ARHGEF6: variants seen among roughly 807,000 people sequenced by gnomAD.
ARHGEF6 encodes the protein rho guanine nucleotide exchange factor 6.
Under a neutral mutation model 70.3 loss-of-function variants are expected in ARHGEF6, and 9 were observed. The observed-to-expected ratio is 0.13, with a 90% CI of 0.08 to 0.22. ARHGEF6 has a LOEUF of 0.22. ARHGEF6 is among the 10% of genes least tolerant of loss of function. The pLI, the probability that ARHGEF6 is intolerant of heterozygous loss-of-function variation, is 1.00. For missense variants in ARHGEF6, 470 were observed against 563.0 expected (o/e 0.83, Z 1.67); for synonymous variants, 201 against 207.8 (o/e 0.97, Z 0.28).
At chrX:136,764,046 T>C (rs2077289415) in intron 2 of ARHGEF6, among the ~76,000 whole-genome samples, 1 of 111,192 alleles carries the variant, frequency 9.0e-6, no homozygotes, top group African/African-American at 3.3e-5. Context: ...AGTTGGTATC[T>C]CCTTCTGTAT....
chrX:136,685,533 G>A lies in ARHGEF6; in HGVS notation c.1392+144C>T, dbSNP rs183112538. The stretch of plus-strand genomic sequence containing the variant: ...CAGGCAGGAGGATTGCTTGAACCCA[G>A]GAGGCAGAGGTTGCAGTGAGCCAAG... On this transcript the variant is annotated intron_variant, in intron 12 of 21. Transcript: ENST00000250617. 248 of 616,574 alleles carry A rather than the reference G, an allele frequency of 4.0e-4. No individual in the cohort carries two copies. In the African/African-American group the frequency reaches 5.6e-3, roughly 14 times the overall value. The allele number at this position is 616,574 out of a possible 1,213,427, so 50.8% of individuals were successfully genotyped here. A position where few individuals can be genotyped will look rare whatever the true frequency, so the allele number is the denominator to read the frequency against.
chrX:136,690,780 G>A (rs2076450419), intron 9 of ARHGEF6, 32 bp from the exon 10 acceptor site: 3 of 1,172,250 alleles, frequency 2.6e-6, no homozygotes, highest in Non-Finnish European at 3.5e-6. Flanking sequence ...TTTTGTTACT[G>A]TTGAATATCT....
Position 136,725,371 on chromosome X carries a change from C to T in ARHGEF6, c.732+6731G>A, listed in dbSNP as rs73633847. 6.8e-3 allele frequency among the ~76,000 whole-genome samples: 712 copies of T among 105,286 alleles called. 8 individuals are homozygous for T. The highest frequency in any genetic ancestry group is 0.023 in the African/African-American group (654 of 28,860). 91.4% of individuals were successfully genotyped at this position (105,286 alleles called of 115,157 possible). On this transcript the variant is annotated intron_variant, in intron 6 of 21. Transcript: ENST00000250617. ...TCTTTTTATCAAATTATGCCCCCCC[C>T]CCAAAAAAAAACGTGAGTAGTAATA...
At chrX:136,761,875 C>G (rs1192632788) in intron 2 of ARHGEF6, among the ~76,000 whole-genome samples, 3 of 111,598 alleles carry the variant, frequency 2.7e-5, no homozygotes, top group Non-Finnish European at 5.7e-5. Flanking sequence ...ACCTCAGAAC[C>G]CTTGGAAAGC....
chrX:136,668,533 C>CTTCTTA (rs61661248), intron 21 of ARHGEF6, among the ~76,000 whole-genome samples: 1,692 of 98,429 alleles, frequency 0.017, 35 homozygotes, highest in African/African-American at 0.046. Flanking sequence ...TCTTCTTCTT[C>CTTCTTA]TTATTATTAT....
chrX:136,765,749 T>TA (rs1161965624), intron 2 of ARHGEF6, among the ~76,000 whole-genome samples: 5 of 112,975 alleles, frequency 4.4e-5, no homozygotes, highest in African/African-American at 9.7e-5. Context: ...GTTTTGATCC[T>TA]ACCAGTGATA....
chrX:136,742,180 G>A (rs1017064055), intron 5 of ARHGEF6, among the ~76,000 whole-genome samples: 8 of 111,404 alleles, frequency 7.2e-5, no homozygotes, highest in Middle Eastern at 4.6e-3. Context: ...TTAGCCAGGC[G>A]TGGTGGCAGG....
intron 9 of ARHGEF6, among the ~76,000 whole-genome samples, chrX:136,701,487 G>A (rs2076570359): frequency 1.8e-5 from 2 of 110,605 alleles, no homozygotes; most frequent in African/African-American, 6.6e-5. Context: ...AAGTGTTGAA[G>A]GAAAAAAATG....
At chrX:136,763,940 A>G (rs1380106235) in intron 2 of ARHGEF6, among the ~76,000 whole-genome samples, 3 of 112,085 alleles carry the variant, frequency 2.7e-5, no homozygotes, top group African/African-American at 9.7e-5. Flanking sequence ...GACGAGCAGT[A>G]TAAAGGTAGC....
At chrX:136,753,968 A>G (rs911963747) in intron 2 of ARHGEF6, among the ~76,000 whole-genome samples, 4 of 111,891 alleles carry the variant, frequency 3.6e-5, no homozygotes, top group Non-Finnish European at 7.5e-5. Flanking sequence ...TTACATAACT[A>G]ATATGGACTC....
intron 2 of ARHGEF6, among the ~76,000 whole-genome samples, chrX:136,752,231 C>T (rs1190487975): frequency 1.8e-5 from 2 of 112,258 alleles, no homozygotes; most frequent in Admixed American, 1.9e-4. Context: ...TTCCATATTA[C>T]AAGACTGTCT....
intron 2 of ARHGEF6, among the ~76,000 whole-genome samples, chrX:136,765,422 G>T (rs1363246122): frequency 8.9e-6 from 1 of 112,059 alleles, no homozygotes; most frequent in African/African-American, 3.2e-5. Context: ...CTGGGCCCTG[G>T]CTACTCACTC....
chrX:136,703,719 T>C (rs2076599203), intron 9 of ARHGEF6, among the ~76,000 whole-genome samples: 1 of 112,081 alleles, frequency 8.9e-6, no homozygotes, highest in Non-Finnish European at 1.9e-5. Flanking sequence ...ATGGGGTTTC[T>C]CCATGTTGGT....
chrX:136,749,232 G>C (rs1317042575), intron 2 of ARHGEF6, among the ~76,000 whole-genome samples: 4 of 111,932 alleles, frequency 3.6e-5, no homozygotes, highest in Non-Finnish European at 7.5e-5. Context: ...AGAGGCAATA[G>C]ACTAGAGAGA....
intron 15 of ARHGEF6, 61 bp downstream of exon 15, chrX:136,680,670 C>T: frequency 8.5e-7 from 1 of 1,172,261 alleles, no homozygotes; most frequent in Non-Finnish European, 1.2e-6. Context: ...TGTAAGTCTC[C>T]AGCAGGCAGG....
At chrX:136,714,143 C>G (rs2076714400) in intron 6 of ARHGEF6, among the ~76,000 whole-genome samples, 1 of 111,748 alleles carries the variant, frequency 8.9e-6, no homozygotes, top group East Asian at 2.8e-4. Flanking sequence ...TAAAAATTAT[C>G]ATTATTATTA....
intron 2 of ARHGEF6, among the ~76,000 whole-genome samples, chrX:136,747,941 T>C (rs1055222964): frequency 2.7e-5 from 3 of 111,498 alleles, no homozygotes; most frequent in Admixed American, 1.9e-4. Flanking sequence ...CTCATATGCA[T>C]GGGTTACAAT....
At chrX:136,707,915 A>G (rs1290975177) in intron 8 of ARHGEF6, among the ~76,000 whole-genome samples, 2 of 112,068 alleles carry the variant, frequency 1.8e-5, no homozygotes, top group Non-Finnish European at 3.8e-5. Context: ...TCACTGTAGT[A>G]TGAAGTTAAA....
intron 21 of ARHGEF6, 108 bp downstream of exon 21, chrX:136,669,374 C>A (rs1485533895): frequency 2.9e-6 from 2 of 688,883 alleles, no homozygotes; most frequent in Admixed American, 5.1e-5. Flanking sequence ...AAACAAAAAT[C>A]CCCCCTCGCT....
Sources: gnomAD v4.1 joint callset for allele counts (sites outside exome capture counted in the v4.1 genomes callset) on GRCh38, gnomAD v4.1.1 for gene constraint, MANE v1.5 for transcripts, NCBI Gene and HGNC (gene_info 2026-07-23, HGNC 2026-07-21) for gene names.